SLC1A6: variants seen among roughly 807,000 people sequenced by gnomAD.
SLC1A6 encodes excitatory amino acid transporter 4.
In SLC1A6, 15 loss-of-function variants were observed where a neutral mutation model predicts 42.1. The observed-to-expected ratio is 0.36, with a 90% CI of 0.24 to 0.55. The LOEUF (loss-of-function observed/expected upper bound fraction) is 0.55, where lower values mean the gene tolerates loss of function less well. Ranked by LOEUF, SLC1A6 falls within the 20% of genes least tolerant of loss-of-function variation. The pLI is 0.88. For synonymous variants in SLC1A6, 317 were observed against 319.7 expected (o/e 0.99, Z 0.09); for missense variants, 542 against 772.5 (o/e 0.70, Z 3.54).
At chr19:14,989,766 TG>T (rs2045810554) in intron 1 of SLC1A6, among the ~76,000 whole-genome samples, 1 of 77,332 alleles carries the variant, frequency 1.3e-5, no homozygotes, top group African/African-American at 8.1e-5. Context: ...GGGTGGGGTG[TG>T]GATCACCTGA....
chr19:14,969,601 C>A (rs1023348710), intron 3 of SLC1A6, among the ~76,000 whole-genome samples: 25 of 152,204 alleles, frequency 1.6e-4, no homozygotes, highest in Non-Finnish European at 3.1e-4. Context: ...CACTTCCTTG[C>A]GAGTTTCTCT....
chr19:14,992,297 C>G lies in SLC1A6; in HGVS notation c.6+18188G>C, dbSNP rs376267073. ...TTAGTCGCCGGTTTTTTGGTGCTACCTGATATTTTGTATGTGGGACTGACT... is the reference window on the plus strand; with the variant it reads ...TTAGTCGCCGGTTTTTTGGTGCTACGTGATATTTTGTATGTGGGACTGACT... On this transcript the variant is annotated intron_variant, in intron 1 of 8. Coordinates refer to the SLC1A6 transcript ENST00000430939. 1.2e-3 allele frequency among the ~76,000 whole-genome samples: 181 copies of G among 152,154 alleles called. 1 individual carries two copies. The highest frequency in any genetic ancestry group is 2.7e-3 in the African/African-American group (112 of 41,514).
intron 1 of SLC1A6, among the ~76,000 whole-genome samples, chr19:14,985,222 C>T (rs1568298027): frequency 6.6e-6 from 1 of 152,152 alleles, no homozygotes; most frequent in Non-Finnish European, 1.5e-5. Context: ...CTTGAAGTGA[C>T]AGATATATTT....
At chr19:15,007,935 G>A (rs2045903553) in intron 1 of SLC1A6, among the ~76,000 whole-genome samples, 1 of 151,840 alleles carries the variant, frequency 6.6e-6, no homozygotes, top group South Asian at 2.1e-4. Context: ...TGAGGCAGAA[G>A]AATCGCTTGA....
chr19:14,951,590 C>T (rs534004163), intron 9 of SLC1A6, among the ~76,000 whole-genome samples: 1 of 152,046 alleles, frequency 6.6e-6, no homozygotes, highest in African/African-American at 2.4e-5. Context: ...GATCTCGGCT[C>T]ACTGCAACCT....
At chr19:14,993,784 T>C (rs1182118687) in intron 1 of SLC1A6, among the ~76,000 whole-genome samples, 2 of 152,174 alleles carry the variant, frequency 1.3e-5, no homozygotes, top group East Asian at 3.9e-4. Context: ...AAGGTGGTGC[T>C]CCTTCAGCTG....
chr19:14,997,950 T>C (rs1012995439), intron 1 of SLC1A6, among the ~76,000 whole-genome samples: 1 of 152,144 alleles, frequency 6.6e-6, no homozygotes, highest in Non-Finnish European at 1.5e-5. Context: ...TCATGTCTTT[T>C]TTTTTAATTG....
At position 14,952,819 on chromosome 19, in the gene SLC1A6, G is replaced by A; in HGVS notation, c.1499+109C>T. The A allele has an allele frequency of 4.4e-6, 6 of 1,367,368 alleles. No individual in the cohort carries two copies. The South Asian group carries it at 6.8e-5, about 16-fold the overall frequency. The allele number at this position is 1,367,368 out of a possible 1,614,324, so 84.7% of individuals were successfully genotyped here. ...GGCCTCCTTTTCACTTGAAAATTCT[G>A]GACCACTGCATCTTTGCTGGAATAA... On this transcript the variant is annotated intron_variant, in intron 9 of 9. Coordinates refer to ENST00000594383, the MANE Select transcript of SLC1A6 (RefSeq NM_005071.3).
At chr19:14,995,046 C>T (rs949487244) in intron 1 of SLC1A6, among the ~76,000 whole-genome samples, 7 of 151,890 alleles carry the variant, frequency 4.6e-5, no homozygotes, top group South Asian at 2.1e-4. Flanking sequence ...GTAGAGTGGC[C>T]GAGTGTGGTG....
chr19:14,975,841 GGGAC>G (rs1568294594), intron 1 of SLC1A6, among the ~76,000 whole-genome samples: 3 of 140,244 alleles, frequency 2.1e-5, no homozygotes, highest in African/African-American at 5.5e-5. Context: ...GGAAGGGAAG[GGGAC>G]AAAGGGAAGG....
intron 1 of SLC1A6, among the ~76,000 whole-genome samples, chr19:15,001,518 T>G: frequency 6.6e-6 from 1 of 151,438 alleles, no homozygotes; most frequent in African/African-American, 2.4e-5. Context: ...GACAGAGAGG[T>G]GGGAGATGGA....
At chr19:14,951,273 A>AAAAAGAAAG (rs2045410478) in intron 9 of SLC1A6, among the ~76,000 whole-genome samples, 8 of 99,776 alleles carry the variant, frequency 8.0e-5, no homozygotes, top group Admixed American at 2.6e-4. Context: ...AAAAAAAAAA[A>AAAAAGAAAG]AAAAAGAAAG....
intron 1 of SLC1A6, among the ~76,000 whole-genome samples, chr19:15,001,657 T>G (rs543241848): frequency 4.5e-4 from 68 of 152,304 alleles, no homozygotes; most frequent in South Asian, 1.5e-3. Flanking sequence ...AGCCACAGTC[T>G]TCCTAACCTT....
Position 14,979,621 on chromosome 19 carries a change from G to T in SLC1A6, c.-320C>A, listed in dbSNP as rs1245601283. 6.6e-6 allele frequency: 1 copy of T among 151,364 alleles called. No individual in the cohort carries two copies. Among genetic ancestry groups the T allele is most frequent in the Non-Finnish European group, 1.5e-5 (1 of 67,828 alleles). The allele number at this position is 151,364 out of a possible 1,614,324, so 9.4% of individuals were successfully genotyped here. Reference sequence around the variant, plus strand: ...CGCCCGGCCGGGGCCGCGGGGACCCGCCAGGGACTGTGCAGCACCGGCGCG... The same window carrying T: ...CGCCCGGCCGGGGCCGCGGGGACCCTCCAGGGACTGTGCAGCACCGGCGCG... On this transcript the variant is annotated 5_prime_UTR_variant, in exon 1 of 10. Transcript: ENST00000594383. The surrounding 1 kb of genome is among the most constrained non-coding windows in gnomAD (Gnocchi z 4.2).
intron 1 of SLC1A6, among the ~76,000 whole-genome samples, chr19:14,998,629 A>G (rs2045858210): frequency 6.6e-6 from 1 of 152,190 alleles, no homozygotes; most frequent in Non-Finnish European, 1.5e-5. Flanking sequence ...ACCAAATTCC[A>G]AATTACTTTA....
chr19:14,979,183 G>A lies in SLC1A6; in HGVS notation c.-8+126C>T, dbSNP rs1473679574. ...GCCCTCTGACAGAGAAGGCAACCGAGCCCTATAAATGCACAAGGCATCGGG... is the reference window on the plus strand; with the variant it reads ...GCCCTCTGACAGAGAAGGCAACCGAACCCTATAAATGCACAAGGCATCGGG... On this transcript the variant is annotated intron_variant, in intron 1 of 9. Coordinates refer to ENST00000594383, the MANE Select transcript of SLC1A6 (RefSeq NM_005071.3). The surrounding 1 kb of genome is among the most constrained non-coding windows in gnomAD (Gnocchi z 4.2). 1 of 152,218 alleles carries A rather than the reference G, an allele frequency of 6.6e-6. No homozygotes were observed. Among genetic ancestry groups the A allele is most frequent in the African/African-American group, 2.4e-5 (1 of 41,374 alleles). 9.4% of individuals were successfully genotyped at this position (152,218 alleles called of 1,614,324 possible). A position where few individuals can be genotyped will look rare whatever the true frequency, so the allele number is the denominator to read the frequency against.
chr19:14,999,309 T>C (rs1448618044), intron 1 of SLC1A6, among the ~76,000 whole-genome samples: 5 of 152,294 alleles, frequency 3.3e-5, no homozygotes, highest in Non-Finnish European at 5.9e-5. Context: ...GGTCTTTATA[T>C]AAACTCTTTC....
Position 14,950,165 on chromosome 19 carries a change from C to T in SLC1A6, c.*30G>A, listed in dbSNP as rs773664986. 1 of 1,458,218 alleles carries T rather than the reference C, an allele frequency of 6.9e-7. No individual in the cohort carries two copies. Among genetic ancestry groups the T allele is most frequent in the Non-Finnish European group, 9.1e-7 (1 of 1,097,324 alleles). 90.3% of individuals were successfully genotyped at this position (1,458,218 alleles called of 1,614,324 possible). ...ACTCCCCTCCCCAGCCCCCTTCCCT[C>T]CTCTCTGGGGGGGCAGAGCTGGAGG... On this transcript the variant is annotated 3_prime_UTR_variant, in exon 10 of 10. Coordinates refer to ENST00000594383, the MANE Select transcript of SLC1A6 (RefSeq NM_005071.3).
At chr19:14,966,458 C>T (rs2045575014) in intron 4 of SLC1A6, among the ~76,000 whole-genome samples, 2 of 151,916 alleles carry the variant, frequency 1.3e-5, no homozygotes, top group African/African-American at 4.8e-5. Flanking sequence ...GCACTCCAGC[C>T]TGGGCAATGG....
Sources: allele counts gnomAD v4.1 joint callset (sites outside exome capture counted in the v4.1 genomes callset), GRCh38; gene constraint gnomAD v4.1.1; non-coding constraint Gnocchi (gnomAD v3.1); transcripts MANE v1.5; gene names NCBI Gene and HGNC (gene_info 2026-07-23, HGNC 2026-07-21).